The following TAFA2 variants were observed in gnomAD, a reference collection of about 807,000 sequenced individuals.
TAFA2 encodes the protein TAFA chemokine like family member 2.
In TAFA2, 7 loss-of-function variants were observed where a neutral mutation model predicts 18.8. The ratio of observed to expected loss-of-function variants is 0.37; its 90% CI spans 0.21 to 0.70. The LOEUF (loss-of-function observed/expected upper bound fraction) is 0.70, where lower values mean the gene tolerates loss of function less well. TAFA2 is among the 30% of genes least tolerant of loss of function. The probability of loss-of-function intolerance (pLI) is 0.53; values close to 1 mark genes in which losing one functional copy is unlikely to be tolerated. For missense variants in TAFA2, 122 were observed against 158.1 expected (o/e 0.77, Z 1.23); for synonymous variants, 60 against 54.2 (o/e 1.11, Z -0.47).
At position 62,191,562 on chromosome 12, in the gene TAFA2, C is replaced by T. The variant is rs1320952844; in HGVS notation, c.-305G>A. ...GAAGCGGGTGAAGGTGAGCCTGATC[C>T]TTCTCCCCGCTTCTTTATTCCACAG... On this transcript the variant is annotated 5_prime_UTR_variant, in exon 1 of 5. Transcript: ENST00000416284. The T allele has an allele frequency of 6.6e-6, 1 of 152,188 alleles. No homozygotes were observed. Among genetic ancestry groups the T allele is most frequent in the African/African-American group, 2.4e-5 (1 of 41,466 alleles). The allele number at this position is 152,188 out of a possible 1,614,324, so 9.4% of individuals were successfully genotyped here. A position where few individuals can be genotyped will look rare whatever the true frequency, so the allele number is the denominator to read the frequency against.
intron 2 of TAFA2, among the ~76,000 whole-genome samples, chr12:61,772,928 G>A (rs776354914): frequency 3.3e-5 from 5 of 151,770 alleles, no homozygotes; most frequent in Non-Finnish European, 5.9e-5. Context: ...CTGTCTCTGT[G>A]TGCTGATAAT....
chr12:61,915,546 G>T (rs576110603), intron 1 of TAFA2, among the ~76,000 whole-genome samples: 2 of 152,256 alleles, frequency 1.3e-5, no homozygotes, highest in African/African-American at 4.8e-5. Context: ...CGGCCAAGAG[G>T]TCTCACAATA....
At chr12:62,151,142 C>T (rs531777369) in intron 1 of TAFA2, among the ~76,000 whole-genome samples, 1 of 152,312 alleles carries the variant, frequency 6.6e-6, no homozygotes, top group African/African-American at 2.4e-5. Flanking sequence ...ACATCACCAC[C>T]ATCACCTTCT....
intron 1 of TAFA2, among the ~76,000 whole-genome samples, chr12:62,131,177 G>A (rs1870668588): frequency 6.6e-6 from 1 of 151,892 alleles, no homozygotes; most frequent in Non-Finnish European, 1.5e-5. Flanking sequence ...GCTAGAAATT[G>A]AGGGCACAAA....
chr12:62,253,769 T>C (rs2062925859), intron 1 of TAFA2: 1 of 152,238 alleles, frequency 6.6e-6, no homozygotes, highest in African/African-American at 2.4e-5. Flanking sequence ...TTTAATCACA[T>C]CTGTAAAGTC....
At chr12:61,894,220 C>G (rs977190098) in intron 1 of TAFA2, among the ~76,000 whole-genome samples, 1 of 152,094 alleles carries the variant, frequency 6.6e-6, no homozygotes, top group Non-Finnish European at 1.5e-5. Flanking sequence ...TGAGGTTTTT[C>G]TAAATACAAA....
chr12:62,248,186 C>G (rs1014322674), intron 1 of TAFA2, among the ~76,000 whole-genome samples: 38 of 152,354 alleles, frequency 2.5e-4, no homozygotes, highest in Admixed American at 2.5e-3. Context: ...CTTTGCCCAA[C>G]TTTATCAGGT....
At chr12:61,908,449 T>G (rs1876459135) in intron 1 of TAFA2, among the ~76,000 whole-genome samples, 1 of 152,112 alleles carries the variant, frequency 6.6e-6, no homozygotes. Flanking sequence ...CAGCCGTGAT[T>G]ATGAGGCCTC....
chr12:61,969,842 G>A lies in TAFA2; in HGVS notation c.-1-102416C>T, dbSNP rs1448161675. 2.0e-5 allele frequency among the ~76,000 whole-genome samples: 3 copies of A among 151,498 alleles called. No homozygotes were observed. In the South Asian group the frequency reaches 6.2e-4, roughly 31 times the overall value. ...ATGACAAAAGAATATTCCACACAGA[G>A]GAAACTGTAAGAACAAAGGCAGAGA... On this transcript the variant is annotated intron_variant, in intron 1 of 4. Coordinates refer to ENST00000416284, the MANE Select transcript of TAFA2 (RefSeq NM_178539.5).
intron 1 of TAFA2, among the ~76,000 whole-genome samples, chr12:62,221,577 C>G (rs865962823): frequency 4.6e-5 from 7 of 152,036 alleles, no homozygotes; most frequent in Admixed American, 2.0e-4. Flanking sequence ...TAATATATGA[C>G]AGCAGTGGCA....
At chr12:61,876,776 A>G (rs1220928977) in intron 1 of TAFA2, among the ~76,000 whole-genome samples, 1 of 152,190 alleles carries the variant, frequency 6.6e-6, no homozygotes, top group Admixed American at 6.5e-5. Context: ...AGCCAAAAGA[A>G]AAGAGTCCAA....
chr12:62,173,612 T>G (rs2062493622), intron 1 of TAFA2, among the ~76,000 whole-genome samples: 1 of 152,192 alleles, frequency 6.6e-6, no homozygotes, highest in Admixed American at 6.5e-5. Context: ...ATTTAACATT[T>G]ATTAAGTATC....
intron 1 of TAFA2, among the ~76,000 whole-genome samples, chr12:62,218,872 T>G (rs2062748534): frequency 6.6e-6 from 1 of 152,176 alleles, no homozygotes; most frequent in South Asian, 2.1e-4. Flanking sequence ...AGGACATTTT[T>G]CAGGCTGTTA....
chr12:62,181,991 C>CCCCA (rs2062554804), intron 1 of TAFA2, among the ~76,000 whole-genome samples: 1 of 59,910 alleles, frequency 1.7e-5, no homozygotes, highest in South Asian at 4.8e-4. Context: ...TCAAGTCCAT[C>CCCCA]CCCCCCCCGC....
intron 1 of TAFA2, among the ~76,000 whole-genome samples, chr12:61,985,826 T>A (rs1026124373): frequency 2.0e-5 from 3 of 152,238 alleles, no homozygotes; most frequent in Non-Finnish European, 4.4e-5. Context: ...AGTTGTGTTA[T>A]GATATGTAAA....
chr12:61,749,118 A>T (rs1218133196), intron 4 of TAFA2, among the ~76,000 whole-genome samples: 5 of 151,712 alleles, frequency 3.3e-5, no homozygotes, highest in Non-Finnish European at 5.9e-5. Context: ...ATAAAAAAAA[A>T]AAAAAATAGC....
rs185803417 is a variant in TAFA2, at chr12:61,908,637, G to A, written c.-1-41211C>T. Among the ~76,000 whole-genome samples the A allele has an allele frequency of 1.2e-4, 19 of 152,214 alleles. No individual in the cohort carries two copies. The East Asian group carries it at 2.9e-3, about 23-fold the overall frequency. On this transcript the variant is annotated intron_variant, in intron 1 of 4. Transcript: ENST00000416284. Reference sequence around the variant, plus strand: ...TTTAAAGTTTCTAACCTAGTGATATGCAGTGCTAAGATGTCTCAAAACTGA... The same window carrying A: ...TTTAAAGTTTCTAACCTAGTGATATACAGTGCTAAGATGTCTCAAAACTGA...
chr12:62,229,102 A>G (rs181078599), intron 1 of TAFA2, among the ~76,000 whole-genome samples: 2 of 151,406 alleles, frequency 1.3e-5, no homozygotes, highest in East Asian at 3.9e-4. Flanking sequence ...ATCAGTTCTA[A>G]CAATTCTTGG....
intron 1 of TAFA2, among the ~76,000 whole-genome samples, chr12:62,185,016 A>T (rs978843075): frequency 1.6e-4 from 24 of 152,232 alleles, no homozygotes; most frequent in Non-Finnish European, 1.2e-4. Context: ...CAAGCTAATG[A>T]ATTTTAACCA....
Sources: allele counts gnomAD v4.1 joint callset (sites outside exome capture counted in the v4.1 genomes callset), GRCh38; gene constraint gnomAD v4.1.1; transcripts MANE v1.5; gene names NCBI Gene and HGNC (gene_info 2026-07-23, HGNC 2026-07-21).